SYT14: variants seen among roughly 807,000 people sequenced by gnomAD.
SYT14 encodes synaptotagmin-14.
A neutral mutation model predicts 74.2 loss-of-function variants in SYT14; 32 were observed. The observed-to-expected ratio is 0.43, with a 90% CI of 0.33 to 0.58. The LOEUF (loss-of-function observed/expected upper bound fraction) is 0.58, where lower values mean the gene tolerates loss of function less well. SYT14 is among the 20% of genes least tolerant of loss of function. The pLI is 0.05. For missense variants in SYT14, 791 were observed against 981.8 expected (o/e 0.81, Z 2.60); for synonymous variants, 298 against 337.7 (o/e 0.88, Z 1.29).
chr1:210,041,148 C>T (rs189619809), intron 5 of SYT14, among the ~76,000 whole-genome samples: 21 of 152,274 alleles, frequency 1.4e-4, no homozygotes, highest in East Asian at 3.9e-4. Flanking sequence ...GATGCCGGTG[C>T]CAAAGATGTC....
chr1:210,131,974 C>T (rs555171036), intron 7 of SYT14, among the ~76,000 whole-genome samples: 18 of 151,886 alleles, frequency 1.2e-4, no homozygotes, highest in Admixed American at 1.2e-3. Context: ...AGGACACCAG[C>T]CTTGGGCTCT....
chr1:209,990,548 T>TACGTATATATATATACACATATATATAC (rs59238920), intron 2 of SYT14, among the ~76,000 whole-genome samples: 5 of 68,050 alleles, frequency 7.3e-5, no homozygotes, highest in Non-Finnish European at 1.5e-4. Context: ...CGTATATATA[T>TACGTATATATATATACACATATATATAC]GTATATATAT....
intron 2 of SYT14, among the ~76,000 whole-genome samples, chr1:209,999,199 C>T (rs964488745): frequency 3.3e-5 from 5 of 151,862 alleles, no homozygotes; most frequent in Non-Finnish European, 7.4e-5. Flanking sequence ...AAAGCCACAA[C>T]GAGGTATCAT....
intron 5 of SYT14, among the ~76,000 whole-genome samples, chr1:210,075,667 C>T (rs527568196): frequency 3.9e-5 from 6 of 152,036 alleles, no homozygotes; most frequent in African/African-American, 9.7e-5. Flanking sequence ...AGGATGGGGG[C>T]GTGGCTGGCC....
At chr1:210,050,197 G>A (rs562444844) in intron 5 of SYT14, among the ~76,000 whole-genome samples, 6 of 152,104 alleles carry the variant, frequency 3.9e-5, no homozygotes, top group African/African-American at 1.2e-4. Context: ...AATTTCTTCC[G>A]CCAGATACCC....
At chr1:209,952,988 A>T in intron 2 of SYT14, 3 of 1,403,956 alleles carry the variant, frequency 2.1e-6, no homozygotes, top group Non-Finnish European at 2.9e-6. Context: ...CCTGGTTTCT[A>T]GCATATTGGT....
At chr1:210,041,212 T>A (rs1031079339) in intron 5 of SYT14, among the ~76,000 whole-genome samples, 2 of 152,272 alleles carry the variant, frequency 1.3e-5, no homozygotes, top group African/African-American at 4.8e-5. Context: ...CTGGTGAGTT[T>A]AACAGCAGTC....
At chr1:210,107,475 C>G (rs778142120) in intron 7 of SYT14, among the ~76,000 whole-genome samples, 18 of 152,132 alleles carry the variant, frequency 1.2e-4, no homozygotes, top group Non-Finnish European at 2.4e-4. Context: ...ATCACAGTGT[C>G]TATCATAGCT....
At chr1:210,163,363 AAC>A (rs1313646794) in exon 10 of SYT14, 3 of 453,638 alleles carry the variant, frequency 6.6e-6, no homozygotes, top group African/African-American at 6.0e-5. Context: ...AAAATTAATA[AAC>A]AGTTTTTTAA....
intron 7 of SYT14, among the ~76,000 whole-genome samples, chr1:210,119,305 A>C (rs560140006): frequency 6.6e-6 from 1 of 152,316 alleles, no homozygotes. Flanking sequence ...ACTGGGAAAT[A>C]CTAATTGCAA....
chr1:210,124,672 C>G (rs919902775), intron 7 of SYT14, among the ~76,000 whole-genome samples: 1 of 152,168 alleles, frequency 6.6e-6, no homozygotes, highest in Non-Finnish European at 1.5e-5. Flanking sequence ...TTGATTTTCA[C>G]TATATGAAGT....
chr1:210,088,551 C>T (rs1236846304), intron 5 of SYT14, among the ~76,000 whole-genome samples: 1 of 152,030 alleles, frequency 6.6e-6, no homozygotes, highest in Non-Finnish European at 1.5e-5. Context: ...TTTATTGCAG[C>T]ACTATTCACA....
intron 2 of SYT14, among the ~76,000 whole-genome samples, chr1:209,975,867 G>T (rs28778280): frequency 0.075 from 11,425 of 152,150 alleles, 1,437 homozygotes; most frequent in African/African-American, 0.26. Context: ...ATTAATTATT[G>T]CCTCAATTTC....
intron 1 of SYT14, among the ~76,000 whole-genome samples, chr1:209,950,899 A>G (rs962175531): frequency 6.6e-5 from 10 of 152,220 alleles, no homozygotes; most frequent in African/African-American, 2.4e-4. Context: ...CATATATGGT[A>G]CACTACAAAA....
rs1034771050 is a variant in SYT14 at position 210,039,759 on chromosome 1, G to A, written c.1312+18505G>A. Among the ~76,000 whole-genome samples the A allele has an allele frequency of 7.9e-5, 12 of 152,118 alleles. No individual in the cohort carries two copies. The East Asian group carries it at 1.9e-3, about 24-fold the overall frequency. ...CTTCTCAAAAGAAGACATTTATGTG[G>A]CCAAAGAACATATGCAAAAAAGCTC... On this transcript the variant is annotated intron_variant, in intron 5 of 9. Coordinates refer to ENST00000637265, the Ensembl canonical transcript of SYT14.
chr1:210,115,612 A>AT (rs1209990948), intron 7 of SYT14, among the ~76,000 whole-genome samples: 1 of 151,312 alleles, frequency 6.6e-6, no homozygotes, highest in African/African-American at 2.5e-5. Flanking sequence ...GAAGGGAGAG[A>AT]TTGAAGGATG....
chr1:210,022,719 G>A (rs191516849), intron 5 of SYT14, among the ~76,000 whole-genome samples: 1 of 152,332 alleles, frequency 6.6e-6, no homozygotes, highest in Non-Finnish European at 1.5e-5. Context: ...CATAGTGTCC[G>A]ATAGCTAATA....
chr1:210,017,323 C>T (rs2080206174), intron 4 of SYT14, among the ~76,000 whole-genome samples: 1 of 152,008 alleles, frequency 6.6e-6, no homozygotes, highest in Non-Finnish European at 1.5e-5. Flanking sequence ...GCCCCTGGTC[C>T]CTGCATTATT....
chr1:210,132,138 A>G (rs1450344473), intron 7 of SYT14, among the ~76,000 whole-genome samples: 1 of 151,918 alleles, frequency 6.6e-6, no homozygotes, highest in Admixed American at 6.6e-5. Context: ...GTTGCCCTCA[A>G]TGAAATGTCT....
Sources: gnomAD v4.1 joint callset for allele counts (sites outside exome capture counted in the v4.1 genomes callset) on GRCh38, gnomAD v4.1.1 for gene constraint, MANE v1.5 for transcripts, NCBI Gene and HGNC (gene_info 2026-07-23, HGNC 2026-07-21) for gene names.